The following BTBD2 variants were observed in gnomAD, a reference collection of about 807,000 sequenced individuals.
BTBD2 encodes the protein BTB domain containing 2.
BTBD2 carries 15 observed loss-of-function variants against 44.0 expected under a neutral mutation model. That is an observed-to-expected ratio of 0.34 (90% confidence interval 0.23 to 0.53). BTBD2 has a LOEUF of 0.53. Ranked by LOEUF, BTBD2 falls within the 20% of genes least tolerant of loss-of-function variation. The pLI is 0.95. For synonymous variants in BTBD2, 443 were observed against 335.9 expected (o/e 1.32, Z -3.49); for missense variants, 657 against 746.4 (o/e 0.88, Z 1.39).
Position 2,015,714 on chromosome 19 carries a change from C to T in BTBD2, c.-11G>A. ...CCCACCCGCCGCCATTTTGTGGCTG[C>T]GGCGTGGGCGGGGGAGGGGAGGAGG... On this transcript the variant is annotated 5_prime_UTR_variant, in exon 1 of 9. Coordinates refer to ENST00000255608, the MANE Select transcript of BTBD2 (RefSeq NM_017797.4). The T allele has an allele frequency of 1.3e-6, 1 of 793,684 alleles. No individual in the cohort carries two copies. Among genetic ancestry groups the T allele is most frequent in the Non-Finnish European group, 1.4e-6 (1 of 691,028 alleles). The allele number at this position is 793,684 out of a possible 1,614,324, so 49.2% of individuals were successfully genotyped here.
At chr19:1,995,959 C>CT (rs1414952328) in intron 2 of BTBD2, among the ~76,000 whole-genome samples, 1 of 152,026 alleles carries the variant, frequency 6.6e-6, no homozygotes, top group Non-Finnish European at 1.5e-5. Flanking sequence ...CCAGCCTGGA[C>CT]TTTGATCTAT....
Position 1,987,176 on chromosome 19 carries a change from A to G in BTBD2, c.1259T>C (p.Val420Ala), listed in dbSNP as rs749441149. 1 of 1,613,670 alleles carries G rather than the reference A, an allele frequency of 6.2e-7. No homozygotes were observed. Among genetic ancestry groups the G allele is most frequent in the Non-Finnish European group, 8.5e-7 (1 of 1,179,762 alleles). The stretch of plus-strand genomic sequence containing the variant: ...GCTTGGGGCTGGTACCTGGATGTTC[A>G]CTTGGTAGTCGGTGGGCCCGTGGAT... ...GSIHGPTDYQ[V>A]NIQIIHTDSN... The change falls in exon 7 of 9, where the codon GTG becomes GCG. Residue 420 changes from valine to alanine, a missense_variant. Transcript: ENST00000255608.
intron 1 of BTBD2, among the ~76,000 whole-genome samples, chr19:1,998,642 G>A (rs2016283709): frequency 6.6e-6 from 1 of 152,140 alleles, no homozygotes; most frequent in African/African-American, 2.4e-5. Context: ...CGTTTGGCCA[G>A]GTCTGTATGG....
chr19:1,997,535 A>G lies in BTBD2; in HGVS notation c.408-72T>C, dbSNP rs532138921. On this transcript the variant is annotated intron_variant, in intron 1 of 8. Transcript: ENST00000255608. Reference sequence around the variant, plus strand: ...CCACGGCCGGGAGGGCCAGCCCGGTATCCTGGGTGACCACCCCACTAGGGC... The same window carrying G: ...CCACGGCCGGGAGGGCCAGCCCGGTGTCCTGGGTGACCACCCCACTAGGGC... The G allele has an allele frequency of 7.4e-5, 118 of 1,591,756 alleles. No homozygotes were observed. In the African/African-American group the frequency reaches 1.4e-3, roughly 19 times the overall value.
chr19:2,013,654 C>T, intron 1 of BTBD2: 1 of 985,110 alleles, frequency 1.0e-6, no homozygotes, highest in Non-Finnish European at 1.2e-6. Flanking sequence ...AGGTGGGGGT[C>T]CGGGGCTGGA....
chr19:2,006,285 G>A (rs2016393372), intron 1 of BTBD2, among the ~76,000 whole-genome samples: 2 of 151,950 alleles, frequency 1.3e-5, no homozygotes, highest in African/African-American at 4.8e-5. Context: ...AAACCATCCC[G>A]CTTACTACAG....
At chr19:2,003,732 T>C (rs2016358529) in intron 1 of BTBD2, among the ~76,000 whole-genome samples, 2 of 147,486 alleles carry the variant, frequency 1.4e-5, no homozygotes, top group South Asian at 2.1e-4. Context: ...GATCACGCCA[T>C]TGCACTCCAG....
At chr19:1,992,466 C>T (rs1458857282) in intron 3 of BTBD2, among the ~76,000 whole-genome samples, 1 of 152,078 alleles carries the variant, frequency 6.6e-6, no homozygotes, top group Non-Finnish European at 1.5e-5. Flanking sequence ...TCTAGAACTC[C>T]GGGCCTCAAG....
rs199606561 is a variant in BTBD2 at position 1,987,487 on chromosome 19, C to G, written c.1181+13G>C. On this transcript the variant is annotated intron_variant, in intron 6 of 8. Transcript: ENST00000255608. ...CCATGTCCGGACCCCCCCGCCTGCA[C>G]CCCAAGCCCCACCTGATGCGGTCAC... is the stretch of plus-strand genomic sequence containing the variant. 342 of 1,550,702 alleles carry G rather than the reference C, an allele frequency of 2.2e-4. No homozygotes were observed. The African/African-American group carries it at 4.4e-3, about 20-fold the overall frequency.
chr19:2,011,847 CTTTTA>C (rs756521767), intron 1 of BTBD2, among the ~76,000 whole-genome samples: 6 of 151,800 alleles, frequency 4.0e-5, no homozygotes, highest in Admixed American at 2.0e-4. Flanking sequence ...AGGATTTCTC[CTTTTA>C]TTTTTTTTCC....
At chr19:2,013,685 A>G (rs920435858) in intron 1 of BTBD2, 5 of 984,462 alleles carry the variant, frequency 5.1e-6, no homozygotes, top group Non-Finnish European at 6.0e-6. Flanking sequence ...ATGGTAGTCT[A>G]TGATCTGGAC....
At position 1,990,819 on chromosome 19, in the gene BTBD2, G is replaced by T; in HGVS notation, c.688C>A (p.Arg230=). The T allele has an allele frequency of 6.4e-7, 1 of 1,565,606 alleles. No individual in the cohort carries two copies. ...GCCAGCTGCGGTTCATCGAAGAGTC[G>T]CGCCTGGCAAGAGACATCGACGGGG... The part of the protein sequence containing the change: ...DNAFMLLTQA[R]LFDEPQLASL... The change falls in exon 4 of 9, where the codon CGA becomes AGA. Residue 230 remains arginine, a synonymous_variant. Coordinates refer to ENST00000255608, the MANE Select transcript of BTBD2 (RefSeq NM_017797.4).
chr19:2,015,663 G>T lies in BTBD2; in HGVS notation c.41C>A (p.Pro14Gln). The T allele has an allele frequency of 1.0e-6, 1 of 999,798 alleles. No homozygotes were observed. The highest frequency in any genetic ancestry group is 1.2e-6 in the Non-Finnish European group (1 of 842,372). The allele number at this position is 999,798 out of a possible 1,614,324, so 61.9% of individuals were successfully genotyped here. A position where few individuals can be genotyped will look rare whatever the true frequency, so the allele number is the denominator to read the frequency against. Residue 14 changes from proline to glutamine, a missense_variant, in exon 1 of 9, where the codon CCG (proline) becomes CAG (glutamine). Physicochemically the swap from Pro to Gln is moderately conservative, Grantham distance 76 (BLOSUM62 -1). Coordinates refer to ENST00000255608, the MANE Select transcript of BTBD2 (RefSeq NM_017797.4). ...CGTGCCCGGGCCGACCCCGACCCCC[G>T]GCGGGCACGACGCACGCCCGCCGCT... ...GGSGGRASCP[P>Q]GVGVGPGTGG...
intron 1 of BTBD2, among the ~76,000 whole-genome samples, chr19:1,998,343 G>A (rs569210411): frequency 6.6e-6 from 1 of 152,340 alleles, no homozygotes; most frequent in Admixed American, 6.5e-5. Context: ...CATCAGGAAC[G>A]CAAGGCCCAG....
intron 1 of BTBD2, among the ~76,000 whole-genome samples, chr19:2,006,516 A>AG (rs1209298808): frequency 6.7e-6 from 1 of 149,438 alleles, no homozygotes; most frequent in Non-Finnish European, 1.5e-5. Flanking sequence ...CAAAAAAAAA[A>AG]AAAAAGAAAA....
chr19:1,997,223 G>T, intron 2 of BTBD2, 121 bp downstream of exon 2: 1 of 1,443,292 alleles, frequency 6.9e-7, no homozygotes, highest in South Asian at 1.3e-5. Context: ...CATTGCACAG[G>T]AACGTTCTAG....
In BTBD2 at chr19:2,015,689, C is replaced by T. The variant is rs1361227518; in HGVS notation, c.15G>A (p.Gly5=). 41 of 983,880 alleles carry T rather than the reference C, an allele frequency of 4.2e-5. No individual in the cohort carries two copies. The highest frequency in any genetic ancestry group is 3.7e-4 in the South Asian group (8 of 21,894). 60.9% of individuals were successfully genotyped at this position (983,880 alleles called of 1,614,324 possible). MAAG[G]SGGRASCPPG... ...GCGGGCACGACGCACGCCCGCCGCT[C>T]CCACCCGCCGCCATTTTGTGGCTGC... The change falls in exon 1 of 9, where the codon GGG becomes GGA. Residue 5 remains glycine (G), a synonymous_variant. Transcript: ENST00000255608.
chr19:1,996,048 T>A (rs1885428189), intron 2 of BTBD2, among the ~76,000 whole-genome samples: 2 of 151,928 alleles, frequency 1.3e-5, no homozygotes, highest in Non-Finnish European at 2.9e-5. Flanking sequence ...GTGCCTGTGC[T>A]ATTTGTTAAA....
chr19:1,992,862 A>G (rs950708627), intron 3 of BTBD2, among the ~76,000 whole-genome samples, 158 bp downstream of exon 3: 4 of 152,026 alleles, frequency 2.6e-5, no homozygotes, highest in Non-Finnish European at 5.9e-5. Flanking sequence ...GTGAGCAACC[A>G]CGCCCGGCCC....
Sources: allele counts gnomAD v4.1 joint callset (sites outside exome capture counted in the v4.1 genomes callset), GRCh38; gene constraint gnomAD v4.1.1; transcripts MANE v1.5; gene names NCBI Gene and HGNC (gene_info 2026-07-23, HGNC 2026-07-21).